Variants in NNT observed in about 807,000 individuals in gnomAD.
NNT encodes nicotinamide nucleotide transhydrogenase.
A neutral mutation model predicts 104.8 loss-of-function variants in NNT; 50 were observed. The observed-to-expected ratio is 0.48, with a 90% CI of 0.38 to 0.60. NNT has a LOEUF of 0.60. NNT is among the 20% of genes least tolerant of loss of function. NNT has a pLI of 0.00. For missense variants in NNT, 1,131 were observed against 1,330.7 expected (o/e 0.85, Z 2.33); for synonymous variants, 461 against 490.4 (o/e 0.94, Z 0.79).
At chr5:43,672,999 C>T (rs544282886) in intron 17 of NNT, among the ~76,000 whole-genome samples, 1 of 152,214 alleles carries the variant, frequency 6.6e-6, no homozygotes, top group African/African-American at 2.4e-5. Flanking sequence ...GTCCCTCCCC[C>T]AGCCTTGCTG....
chr5:43,628,487 G>T, intron 7 of NNT, 100 bp downstream of exon 7: 1 of 898,344 alleles, frequency 1.1e-6, no homozygotes. Context: ...ATTTCTTTAA[G>T]GAAGGATCTA....
At chr5:43,689,047 C>G (rs928866840) in intron 19 of NNT, among the ~76,000 whole-genome samples, 2 of 152,158 alleles carry the variant, frequency 1.3e-5, no homozygotes, top group African/African-American at 4.8e-5. Flanking sequence ...TACATCCCCA[C>G]CAACCTTTAT....
chr5:43,610,016 G>A (rs112380038), intron 2 of NNT, among the ~76,000 whole-genome samples: 17 of 152,218 alleles, frequency 1.1e-4, no homozygotes, highest in African/African-American at 4.1e-4. Flanking sequence ...AAAATGTACA[G>A]TCATGTCACT....
chr5:43,638,681 G>C (rs1231437691), intron 7 of NNT, among the ~76,000 whole-genome samples: 2 of 130,452 alleles, frequency 1.5e-5, no homozygotes, highest in Non-Finnish European at 3.3e-5. Flanking sequence ...TTTTTTTTTA[G>C]ACCCTCTAAT....
chr5:43,628,774 T>C (rs1750507044), intron 7 of NNT, among the ~76,000 whole-genome samples: 1 of 151,874 alleles, frequency 6.6e-6, no homozygotes, highest in African/African-American at 2.4e-5. Flanking sequence ...TTTAGTAGAG[T>C]CGGGGTTTTG....
At chr5:43,613,389 T>C (rs1243772862) in intron 3 of NNT, 12 of 393,792 alleles carry the variant, frequency 3.0e-5, no homozygotes, top group Non-Finnish European at 5.0e-5. Context: ...TATGGACATT[T>C]TCTTTTAATT....
At chr5:43,652,811 G>A (rs183256738) in intron 13 of NNT, among the ~76,000 whole-genome samples, 4 of 152,230 alleles carry the variant, frequency 2.6e-5, no homozygotes, top group Admixed American at 2.0e-4. Flanking sequence ...ATCCAGTAAT[G>A]ACTCCATTTA....
intron 1 of NNT, among the ~76,000 whole-genome samples, chr5:43,604,519 A>C (rs1482230667): frequency 3.3e-5 from 5 of 152,188 alleles, no homozygotes. Context: ...AATGTGCTCA[A>C]TAGGTACTTA....
intron 17 of NNT, among the ~76,000 whole-genome samples, chr5:43,671,442 T>C (rs1200834389): frequency 6.6e-6 from 1 of 152,246 alleles, no homozygotes; most frequent in Non-Finnish European, 1.5e-5. Context: ...TTTCCATGTG[T>C]AGTGCTTCCT....
At position 43,647,787 on chromosome 5, in the gene NNT, G is replaced by A. The variant is rs554868756; in HGVS notation, c.1445-1360G>A. ...AGACTGTGGATTGTGATAAGGTAGT[G>A]CTTCTTGACTAATGTGGTCATGATA... On this transcript the variant is annotated intron_variant, in intron 10 of 21. Transcript: ENST00000344920. 3.0e-5 allele frequency: 11 copies of A among 361,738 alleles called. No homozygotes were observed. The Admixed American group carries it at 3.1e-4, about 10-fold the overall frequency. 22.4% of individuals were successfully genotyped at this position (361,738 alleles called of 1,614,324 possible).
At chr5:43,619,286 G>C (rs75722600) in intron 5 of NNT, among the ~76,000 whole-genome samples, 167 bp downstream of exon 5, 1 of 151,922 alleles carries the variant, frequency 6.6e-6, no homozygotes, top group Non-Finnish European at 1.5e-5. Context: ...GTTTAAGATT[G>C]CTAGAAAAAA....
chr5:43,673,431 C>G (rs190054924), intron 17 of NNT, among the ~76,000 whole-genome samples: 3 of 152,294 alleles, frequency 2.0e-5, no homozygotes, highest in Non-Finnish European at 4.4e-5. Context: ...GGAACCCAAT[C>G]CTCACTGGAC....
intron 4 of NNT, among the ~76,000 whole-genome samples, chr5:43,618,341 C>A (rs962693146): frequency 6.6e-6 from 1 of 152,100 alleles, no homozygotes; most frequent in Non-Finnish European, 1.5e-5. Flanking sequence ...CCCAAGGTCA[C>A]AAAGGTAATC....
chr5:43,666,842 C>T (rs549412339), intron 17 of NNT: 3 of 1,430,072 alleles, frequency 2.1e-6, no homozygotes, highest in South Asian at 1.2e-5. Flanking sequence ...GCAGCCTGGG[C>T]CTTGGTTTGA....
Position 43,704,506 on chromosome 5 carries a change from C to A in NNT, c.*102C>A. On this transcript the variant is annotated 3_prime_UTR_variant, in exon 22 of 22. Transcript: ENST00000344920. ...ATGGTGATGTACATCTGTAGCAAAG[C>A]TCTTGGAGAAAATGAAGACTGAAGA... 8.1e-7 allele frequency: 1 copy of A among 1,237,922 alleles called. No individual in the cohort carries two copies. The highest frequency in any genetic ancestry group is 1.1e-6 in the Non-Finnish European group (1 of 901,326). The allele number at this position is 1,237,922 out of a possible 1,614,324, so 76.7% of individuals were successfully genotyped here.
chr5:43,702,657 C>T lies in NNT; in HGVS notation c.3032C>T (p.Thr1011Ile). The change falls in exon 21 of 22, where the codon ACT (threonine) becomes ATT (isoleucine). Residue 1011 changes from threonine (T) to isoleucine (I), a missense_variant. Coordinates refer to ENST00000344920, the MANE Select transcript of NNT (RefSeq NM_182977.3). The stretch of plus-strand genomic sequence containing the variant: ...GTCCTTGTAATTGGAGCTAATGACA[C>T]TGTTAATTCAGCAGCTCAAGAAGAT... ...DLVLVIGANDTVNSAAQEDPN... is the reference protein window; with the variant it reads ...DLVLVIGANDIVNSAAQEDPN... The T allele has an allele frequency of 6.2e-7, 1 of 1,612,518 alleles. No individual in the cohort carries two copies. Among genetic ancestry groups the T allele is most frequent in the Non-Finnish European group, 8.5e-7 (1 of 1,179,100 alleles).
rs556195116 is a variant in NNT at position 43,619,870 on chromosome 5, C to T, written c.687+751C>T. Among the ~76,000 whole-genome samples the T allele has an allele frequency of 2.6e-5, 4 of 152,242 alleles. No homozygotes were observed. In the South Asian group the frequency reaches 6.2e-4, roughly 24 times the overall value. On this transcript the variant is annotated intron_variant, in intron 5 of 21. Coordinates refer to ENST00000344920, the MANE Select transcript of NNT (RefSeq NM_182977.3). ...TCTGGTGAGGGCCTAAAGGCTGCTT[C>T]AACTCATGGTGGACAGTGTAAAGGG...
chr5:43,665,941 T>G lies in NNT; in HGVS notation c.2634+6591T>G, dbSNP rs1740635699. Among the ~76,000 whole-genome samples the G allele has an allele frequency of 2.6e-5, 4 of 151,100 alleles. No individual in the cohort carries two copies. The South Asian group carries it at 8.4e-4, about 32-fold the overall frequency. ...GGTGGCGGCGGGGCAAAGACGCTCC[T>G]CAGTTCCCAGACGGGGTCGCGCCCC... On this transcript the variant is annotated intron_variant, in intron 17 of 21. Coordinates refer to ENST00000344920, the MANE Select transcript of NNT (RefSeq NM_182977.3).
At chr5:43,628,539 T>G (rs144719345) in intron 7 of NNT, 152 bp downstream of exon 7, 1 of 612,640 alleles carries the variant, frequency 1.6e-6, no homozygotes, top group Non-Finnish European at 2.5e-6. Context: ...AGAAAATATA[T>G]GACAAAATTC....
Sources: gnomAD v4.1 joint callset for allele counts (sites outside exome capture counted in the v4.1 genomes callset) on GRCh38, gnomAD v4.1.1 for gene constraint, MANE v1.5 for transcripts, NCBI Gene and HGNC (gene_info 2026-07-23, HGNC 2026-07-21) for gene names.